The following TWIST2 variants were observed in gnomAD, a reference collection of about 807,000 sequenced individuals.
TWIST2 encodes the protein twist family bHLH transcription factor 2.
In TWIST2, 1 loss-of-function variant was observed where a neutral mutation model predicts 11.6. The ratio of observed to expected loss-of-function variants is 0.09; its 90% confidence interval spans 0.03 to 0.41. The LOEUF is 0.41. Ranked by LOEUF, TWIST2 falls within the 10% of genes least tolerant of loss-of-function variation. The probability of loss-of-function intolerance (pLI) is 0.98; values close to 1 mark genes in which losing one functional copy is unlikely to be tolerated. For synonymous variants in TWIST2, 87 were observed against 96.6 expected (o/e 0.90, Z 0.58); for missense variants, 168 against 226.4 (o/e 0.74, Z 1.66).
At chr2:238,857,601 A>G (rs1409144126) in intron 1 of TWIST2, among the ~76,000 whole-genome samples, 1 of 151,832 alleles carries the variant, frequency 6.6e-6, no homozygotes, top group African/African-American at 2.4e-5. Context: ...CTCGTAAAGC[A>G]TCCTTCTGCT....
At chr2:238,871,724 G>A (rs998435061) in intron 1 of TWIST2, among the ~76,000 whole-genome samples, 2 of 149,106 alleles carry the variant, frequency 1.3e-5, no homozygotes, top group Admixed American at 6.8e-5. Flanking sequence ...CCTTTAAAAA[G>A]GAAGGTTGTC....
Position 238,898,118 on chromosome 2 carries a change from G to A in TWIST2, c.*36-11724G>A, listed in dbSNP as rs1005061651. Among the ~76,000 whole-genome samples the A allele has an allele frequency of 7.6e-3, 1,158 of 152,348 alleles. 6 individuals carry two copies. The highest frequency in any genetic ancestry group is 0.013 in the Non-Finnish European group (852 of 68,032). On this transcript the variant is annotated intron_variant, in intron 1 of 1. Coordinates refer to ENST00000612363, the MANE Select transcript of TWIST2 (RefSeq NM_001271893.4). ...ACCCTTCAGAGGAACTGCAGCTGGC[G>A]AACGCGGTCTCAGGGCCCGGGTGCT... is the stretch of plus-strand genomic sequence containing the variant.
At chr2:238,888,977 C>T (rs189875007) in intron 1 of TWIST2, among the ~76,000 whole-genome samples, 7 of 152,272 alleles carry the variant, frequency 4.6e-5, no homozygotes, top group East Asian at 1.9e-4. Context: ...TTCTTTGACA[C>T]GCAAATGGTT....
chr2:238,884,809 A>G (rs961354423), intron 1 of TWIST2, among the ~76,000 whole-genome samples: 2 of 152,214 alleles, frequency 1.3e-5, no homozygotes, highest in Non-Finnish European at 2.9e-5. Flanking sequence ...ATGGCCGGAA[A>G]GTGCCTGCTC....
intron 1 of TWIST2, among the ~76,000 whole-genome samples, chr2:238,880,200 TTAC>T (rs1453971614): frequency 4.6e-5 from 7 of 152,088 alleles, no homozygotes; most frequent in Admixed American, 2.0e-4. Flanking sequence ...GGTATTGGTG[TTAC>T]TGTTAGTATT....
Position 238,848,753 on chromosome 2 carries a change from C to G in TWIST2, c.*35+20C>G, listed in dbSNP as rs1692181694. 1 of 1,334,814 alleles carries G rather than the reference C, an allele frequency of 7.5e-7. No homozygotes were observed. The highest frequency in any genetic ancestry group is 1.5e-5 in the African/African-American group (1 of 64,746). 82.7% of individuals were successfully genotyped at this position (1,334,814 alleles called of 1,614,324 possible). On this transcript the variant is annotated intron_variant, in intron 1 of 1. Coordinates refer to ENST00000612363, the MANE Select transcript of TWIST2 (RefSeq NM_001271893.4). ...GCCAGGGTAGGTGCTGCGCGCGCGA[C>G]GGGCGCCCTCCGCTGCGGGGGGCGG...
At chr2:238,878,676 G>A (rs914803291) in intron 1 of TWIST2, among the ~76,000 whole-genome samples, 2 of 152,214 alleles carry the variant, frequency 1.3e-5, no homozygotes, top group African/African-American at 2.4e-5. Flanking sequence ...AGGAGGTAAC[G>A]CAGAACACAA....
At chr2:238,876,017 C>T (rs1559276859) in intron 1 of TWIST2, among the ~76,000 whole-genome samples, 1 of 152,216 alleles carries the variant, frequency 6.6e-6, no homozygotes, top group South Asian at 2.1e-4. Flanking sequence ...CCAGGGTTCA[C>T]ATCGTCATCC....
chr2:238,909,803 G>C (rs1449482342), intron 1 of TWIST2, 39 bp from the exon 2 acceptor site: 1 of 152,244 alleles, frequency 6.6e-6, no homozygotes, highest in Non-Finnish European at 1.5e-5. Context: ...GGCCGAGCGA[G>C]GCGGCCGTAG....
At chr2:238,862,904 A>T (rs1280772486) in intron 1 of TWIST2, among the ~76,000 whole-genome samples, 2 of 152,150 alleles carry the variant, frequency 1.3e-5, no homozygotes, top group Non-Finnish European at 2.9e-5. Context: ...TGTAGGATGG[A>T]GCAGTTCATA....
intron 1 of TWIST2, among the ~76,000 whole-genome samples, chr2:238,891,770 A>C (rs561142477): frequency 6.6e-6 from 1 of 152,194 alleles, no homozygotes; most frequent in African/African-American, 2.4e-5. Context: ...GCTTGAGTCC[A>C]AAAACCCCGC....
chr2:238,905,046 A>ACAC (rs1693325003), intron 1 of TWIST2, among the ~76,000 whole-genome samples: 1 of 136,582 alleles, frequency 7.3e-6, no homozygotes, highest in South Asian at 2.4e-4. Flanking sequence ...GTGGGTGGCT[A>ACAC]GGTGGGTGGC....
intron 1 of TWIST2, among the ~76,000 whole-genome samples, chr2:238,870,124 C>CA (rs1209904660): frequency 1.3e-5 from 1 of 78,778 alleles, no homozygotes; most frequent in African/African-American, 5.6e-5. Flanking sequence ...CATACACCCC[C>CA]CACACACACA....
intron 1 of TWIST2, among the ~76,000 whole-genome samples, chr2:238,857,662 C>T (rs539209631): frequency 2.6e-5 from 4 of 151,986 alleles, no homozygotes; most frequent in East Asian, 2.0e-4. Flanking sequence ...TGAGGCTGGG[C>T]GCAGTGGCTC....
intron 1 of TWIST2, among the ~76,000 whole-genome samples, chr2:238,861,171 C>T (rs1319483660): frequency 6.6e-6 from 1 of 152,208 alleles, no homozygotes; most frequent in Non-Finnish European, 1.5e-5. Context: ...GGGTCACCCT[C>T]AAGCCAGACA....
intron 1 of TWIST2, among the ~76,000 whole-genome samples, chr2:238,908,815 G>C (rs1488975153): frequency 2.0e-5 from 3 of 150,686 alleles, no homozygotes; most frequent in Non-Finnish European, 3.0e-5. Flanking sequence ...GTAGTGTGCG[G>C]TATGTTTGTG....
chr2:238,862,016 G>A (rs1387107537), intron 1 of TWIST2, among the ~76,000 whole-genome samples: 1 of 152,230 alleles, frequency 6.6e-6, no homozygotes, highest in Non-Finnish European at 1.5e-5. Context: ...TCCCACTGAG[G>A]TGCCATGGCC....
Position 238,848,515 on chromosome 2 carries a change from G to A in TWIST2, c.300G>A (p.Lys100=), listed in dbSNP as rs1304627603. The A allele has an allele frequency of 6.3e-7, 1 of 1,591,828 alleles. No individual in the cohort carries two copies. Among genetic ancestry groups the A allele is most frequent in the African/African-American group, 1.3e-5 (1 of 74,518 alleles). The part of the protein sequence containing the change: ...RKIIPTLPSD[K]LSKIQTLKLA... Reference sequence around the variant, plus strand: ...TCATCCCCACGCTGCCCTCTGACAAGCTGAGCAAGATCCAGACGCTCAAGC... The same window carrying A: ...TCATCCCCACGCTGCCCTCTGACAAACTGAGCAAGATCCAGACGCTCAAGC... The change falls in exon 1 of 2, where the codon AAG becomes AAA. Residue 100 remains lysine (K), a synonymous_variant. Coordinates refer to ENST00000612363, the MANE Select transcript of TWIST2 (RefSeq NM_001271893.4).
At chr2:238,880,434 ATTAGTG>A (rs1221571554) in intron 1 of TWIST2, among the ~76,000 whole-genome samples, 3 of 119,802 alleles carry the variant, frequency 2.5e-5, no homozygotes, top group African/African-American at 6.5e-5. Flanking sequence ...ATTTATTAGC[ATTAGTG>A]TTAGTGTTAG....
Sources: allele counts gnomAD v4.1 joint callset (sites outside exome capture counted in the v4.1 genomes callset), GRCh38; gene constraint gnomAD v4.1.1; transcripts MANE v1.5; gene names NCBI Gene and HGNC (gene_info 2026-07-23, HGNC 2026-07-21).